Variants in CNTN3 observed in about 807,000 individuals in gnomAD.
CNTN3 encodes contactin 3.
CNTN3 carries 60 observed loss-of-function variants against 119.1 expected under a neutral mutation model. The observed-to-expected ratio is 0.50, with a 90% CI of 0.41 to 0.62. The LOEUF is 0.62. Ranked by LOEUF, CNTN3 falls within the 20% of genes least tolerant of loss-of-function variation. The pLI is 0.00. For missense variants in CNTN3, 1,101 were observed against 1,242.4 expected (o/e 0.89, Z 1.71); for synonymous variants, 450 against 438.7 (o/e 1.03, Z -0.32).
chr3:74,600,135 C>T (rs1704885093), intron 1 of CNTN3, among the ~76,000 whole-genome samples: 2 of 151,922 alleles, frequency 1.3e-5, no homozygotes, highest in Non-Finnish European at 2.9e-5. Flanking sequence ...AAGAGTGGGA[C>T]AATCAAGGGC....
chr3:74,362,207 T>C (rs1440418407), intron 10 of CNTN3, among the ~76,000 whole-genome samples, 167 bp from the exon 11 acceptor site: 4 of 152,262 alleles, frequency 2.6e-5, no homozygotes, highest in Admixed American at 1.3e-4. Context: ...CATGTTATTA[T>C]GTTTTCTAGC....
chr3:74,565,875 C>A (rs975814373), intron 1 of CNTN3, among the ~76,000 whole-genome samples: 1 of 152,144 alleles, frequency 6.6e-6, no homozygotes, highest in Non-Finnish European at 1.5e-5. Flanking sequence ...TCCCACATGT[C>A]ATGGGAGGGA....
chr3:74,366,780 G>GTATA lies in CNTN3; in HGVS notation c.947-1082_947-1079dup, dbSNP rs59223804. Among the ~76,000 whole-genome samples, 300 of 63,694 alleles carry GTATA rather than the reference G, an allele frequency of 4.7e-3. 4 individuals are homozygous for GTATA. Among genetic ancestry groups the GTATA allele is most frequent in the African/African-American group, 9.3e-3 (109 of 11,756 alleles). 41.8% of individuals were successfully genotyped at this position (63,694 alleles called of 152,430 possible). Reference sequence around the variant, plus strand: ...TGTGCGTGTGTGTGTGTGTGTGTGTGTATATATATATATATATATATATAT... The same window carrying GTATA: ...TGTGCGTGTGTGTGTGTGTGTGTGTGTATATATATATATATATATATATATATAT... On this transcript the variant is annotated intron_variant, in intron 8 of 22. Transcript: ENST00000263665.
At chr3:74,608,827 A>G (rs1051127585) in intron 1 of CNTN3, among the ~76,000 whole-genome samples, 4 of 152,188 alleles carry the variant, frequency 2.6e-5, no homozygotes, top group Non-Finnish European at 5.9e-5. Context: ...GATATTAAAC[A>G]ATTTTACAAT....
chr3:74,522,252 T>C (rs7434202), intron 1 of CNTN3, among the ~76,000 whole-genome samples: 133,046 of 151,902 alleles, frequency 0.88, 58,815 homozygotes, highest in Non-Finnish European at 0.93. Flanking sequence ...GCCTGCAATC[T>C]AATATATATT....
chr3:74,422,826 A>AT (rs1377315638), intron 5 of CNTN3, among the ~76,000 whole-genome samples: 1 of 152,180 alleles, frequency 6.6e-6, no homozygotes, highest in East Asian at 1.9e-4. Flanking sequence ...TCTATCTAAT[A>AT]TATCTCCCTC....
intron 17 of CNTN3, among the ~76,000 whole-genome samples, chr3:74,299,240 T>C (rs1411487296): frequency 2.6e-5 from 4 of 152,156 alleles, no homozygotes; most frequent in African/African-American, 9.7e-5. Context: ...CGAATTAAAC[T>C]CAAAGCTATA....
chr3:74,438,144 A>C (rs560782805), intron 4 of CNTN3, among the ~76,000 whole-genome samples: 1 of 152,324 alleles, frequency 6.6e-6, no homozygotes, highest in East Asian at 1.9e-4. Flanking sequence ...TACCACTTCA[A>C]TGCAGTTATC....
intron 11 of CNTN3, among the ~76,000 whole-genome samples, chr3:74,345,412 T>C (rs760685010): frequency 2.6e-5 from 4 of 152,184 alleles, no homozygotes; most frequent in Non-Finnish European, 5.9e-5. Flanking sequence ...GTATCTCAGG[T>C]TTTTGATTCT....
intron 11 of CNTN3, among the ~76,000 whole-genome samples, chr3:74,342,399 A>C (rs559617300): frequency 1.3e-5 from 2 of 152,258 alleles, no homozygotes; most frequent in African/African-American, 4.8e-5. Context: ...TAGTATAGTG[A>C]TTTATTGGTT....
intron 4 of CNTN3, among the ~76,000 whole-genome samples, chr3:74,464,360 A>ATTTCTTTTTTG (rs1575752128): frequency 6.6e-6 from 1 of 152,206 alleles, no homozygotes; most frequent in East Asian, 1.9e-4. Context: ...AAACTTGGTT[A>ATTTCTTTTTTG]TAGAACCCAA....
intron 1 of CNTN3, among the ~76,000 whole-genome samples, chr3:74,571,332 A>C (rs1336327891): frequency 6.6e-6 from 1 of 152,154 alleles, no homozygotes; most frequent in Non-Finnish European, 1.5e-5. Flanking sequence ...TCACCAGGGG[A>C]TGCTGCCTTC....
At chr3:74,265,438 A>C (rs1191745850) in intron 22 of CNTN3, among the ~76,000 whole-genome samples, 2 of 152,170 alleles carry the variant, frequency 1.3e-5, no homozygotes, top group Non-Finnish European at 2.9e-5. Context: ...ACCTAAATTA[A>C]CAACAATAAT....
chr3:74,516,052 C>G (rs1036159201), intron 2 of CNTN3, among the ~76,000 whole-genome samples: 1 of 151,926 alleles, frequency 6.6e-6, no homozygotes, highest in Non-Finnish European at 1.5e-5. Context: ...GTACAACACA[C>G]CATACAGATG....
intron 2 of CNTN3, among the ~76,000 whole-genome samples, chr3:74,509,903 T>G (rs562830816): frequency 6.6e-6 from 1 of 152,086 alleles, no homozygotes; most frequent in African/African-American, 2.4e-5. Flanking sequence ...TATAATATAT[T>G]ACATGTACTT....
intron 4 of CNTN3, among the ~76,000 whole-genome samples, chr3:74,456,612 C>T (rs1255441221): frequency 1.3e-5 from 2 of 152,022 alleles, no homozygotes; most frequent in Non-Finnish European, 2.9e-5. Flanking sequence ...TGAAAGTACC[C>T]GACATTCGCA....
In CNTN3 at chr3:74,418,763, T is replaced by C. The variant is rs557950144; in HGVS notation, c.454+6082A>G. Among the ~76,000 whole-genome samples, 4 of 152,048 alleles carry C rather than the reference T, an allele frequency of 2.6e-5. No homozygotes were observed. The East Asian group carries it at 5.8e-4, about 22-fold the overall frequency. Reference sequence around the variant, plus strand: ...TCAAGATTTTGAAAAATGCTAATGTTTTAAAGTTTATTTTATTTTAAATTT... The same window carrying C: ...TCAAGATTTTGAAAAATGCTAATGTCTTAAAGTTTATTTTATTTTAAATTT... On this transcript the variant is annotated intron_variant, in intron 5 of 22. Transcript: ENST00000263665.
At chr3:74,266,380 T>G in intron 22 of CNTN3, 101 bp downstream of exon 22, 4 of 1,240,390 alleles carry the variant, frequency 3.2e-6, no homozygotes, top group Non-Finnish European at 3.4e-6. Context: ...GATGTAAGCC[T>G]TGCTGGAAAG....
intron 1 of CNTN3, among the ~76,000 whole-genome samples, chr3:74,527,713 T>C (rs1341371507): frequency 6.6e-6 from 1 of 151,968 alleles, no homozygotes; most frequent in Non-Finnish European, 1.5e-5. Flanking sequence ...TGCTCTTGCT[T>C]TGCTTTAAAC....
Sources: allele counts gnomAD v4.1 joint callset (sites outside exome capture counted in the v4.1 genomes callset), GRCh38; gene constraint gnomAD v4.1.1; transcripts MANE v1.5; gene names NCBI Gene and HGNC (gene_info 2026-07-23, HGNC 2026-07-21).